BMPER: variants seen among roughly 807,000 people sequenced by gnomAD.
BMPER encodes the protein BMP-binding endothelial regulator protein.
BMPER carries 45 observed loss-of-function variants against 87.3 expected under a neutral mutation model. The observed-to-expected ratio is 0.52, with a 90% CI of 0.41 to 0.66. The LOEUF is 0.66. BMPER is among the 30% of genes least tolerant of loss of function. BMPER has a pLI of 0.00. For missense variants in BMPER, 784 were observed against 867.5 expected (o/e 0.90, Z 1.21); for synonymous variants, 326 against 316.2 (o/e 1.03, Z -0.33).
At chr7:34,018,714 G>C (rs1274372128) in intron 6 of BMPER, among the ~76,000 whole-genome samples, 1 of 151,900 alleles carries the variant, frequency 6.6e-6, no homozygotes, top group Non-Finnish European at 1.5e-5. Context: ...GCTTCATGCT[G>C]GAGAGGAACC....
chr7:34,031,825 C>T (rs143709819), intron 6 of BMPER, among the ~76,000 whole-genome samples: 1,917 of 144,486 alleles, frequency 0.013, 49 homozygotes, highest in African/African-American at 0.046. Flanking sequence ...AAATAAACTC[C>T]CCAAGGTAAC....
chr7:33,935,594 C>CAGAG lies in BMPER; in HGVS notation c.220-1679_220-1676dup, dbSNP rs35522311. ...CCCAAAAAAGAAAGAGAGAAAGAGA[C>CAGAG]AGAGAGAGAGAGAGAGAGAAGGAGA... On this transcript the variant is annotated intron_variant, in intron 2 of 14. Coordinates refer to ENST00000649409, the MANE Select transcript of BMPER (RefSeq NM_001365308.1). Among the ~76,000 whole-genome samples, 113 of 147,692 alleles carry CAGAG rather than the reference C, an allele frequency of 7.7e-4. 2 individuals carry two copies. The South Asian group carries it at 0.012, about 16-fold the overall frequency.
chr7:34,118,946 C>A (rs1417208752), intron 13 of BMPER, among the ~76,000 whole-genome samples: 1 of 151,724 alleles, frequency 6.6e-6, no homozygotes, highest in Non-Finnish European at 1.5e-5. Context: ...TACCAGCCCC[C>A]ACAATGTTGT....
chr7:33,993,886 G>A (rs1786311791), intron 6 of BMPER, among the ~76,000 whole-genome samples: 1 of 152,200 alleles, frequency 6.6e-6, no homozygotes, highest in African/African-American at 2.4e-5. Context: ...GCAGTGTGAG[G>A]TGTCAGTGTG....
chr7:33,979,638 G>C (rs1434671187), intron 6 of BMPER, among the ~76,000 whole-genome samples: 2 of 152,130 alleles, frequency 1.3e-5, no homozygotes, highest in Admixed American at 1.3e-4. Flanking sequence ...GAGTAAATCT[G>C]GTCAGATATC....
At chr7:33,905,419 G>GCCCCCCCCCCCCCCCC, upstream of BMPER, 10 of 110,384 alleles carry the variant, frequency 9.1e-5, no homozygotes, top group South Asian at 1.8e-4. Context: ...CTCCCCGGGC[G>GCCCCCCCCCCCCCCCC]CCCCCACACC....
Position 34,155,798 on chromosome 7 carries a change from A to C in BMPER, c.*2525A>C, listed in dbSNP as rs1178494407. 1 of 152,184 alleles carries C rather than the reference A, an allele frequency of 6.6e-6. No individual in the cohort carries two copies. The highest frequency in any genetic ancestry group is 2.4e-5 in the African/African-American group (1 of 41,456). 9.4% of individuals were successfully genotyped at this position (152,184 alleles called of 1,614,324 possible). A position where few individuals can be genotyped will look rare whatever the true frequency, so the allele number is the denominator to read the frequency against. ...AGCAGTCCTGTTTCATTCACATGGG[A>C]TGTTTTCAATTGGTTCTTCAACTAA... On this transcript the variant is annotated 3_prime_UTR_variant, in exon 15 of 15. Transcript: ENST00000649409.
At chr7:34,094,345 A>G (rs1390112008) in intron 13 of BMPER, among the ~76,000 whole-genome samples, 1 of 152,212 alleles carries the variant, frequency 6.6e-6, no homozygotes, top group Non-Finnish European at 1.5e-5. Context: ...CAAGAAGAGT[A>G]ATGGTGGGAA....
At chr7:33,994,910 A>T (rs1216678146) in intron 6 of BMPER, among the ~76,000 whole-genome samples, 1 of 152,182 alleles carries the variant, frequency 6.6e-6, no homozygotes, top group Non-Finnish European at 1.5e-5. Flanking sequence ...TAATATCTCA[A>T]TTCAGAAAGG....
Position 34,058,315 on chromosome 7 carries a change from A to G in BMPER, c.1032+152A>G, listed in dbSNP as rs1788340370. Reference sequence around the variant, plus strand: ...CAAATGCCTCTTGCAAAGTTTGCTCATTCTTCTTGCAGATTTTTTCCTTGC... The same window carrying G: ...CAAATGCCTCTTGCAAAGTTTGCTCGTTCTTCTTGCAGATTTTTTCCTTGC... On this transcript the variant is annotated intron_variant, in intron 10 of 14. Coordinates refer to ENST00000649409, the MANE Select transcript of BMPER (RefSeq NM_001365308.1). 7.9e-6 allele frequency: 6 copies of G among 758,884 alleles called. No individual in the cohort carries two copies. In the Admixed American group the frequency reaches 1.2e-4, roughly 16 times the overall value. 47.0% of individuals were successfully genotyped at this position (758,884 alleles called of 1,614,324 possible). A position where few individuals can be genotyped will look rare whatever the true frequency, so the allele number is the denominator to read the frequency against.
upstream of BMPER, chr7:33,905,538 C>T (rs1460650533): frequency 6.4e-7 from 1 of 1,567,108 alleles, no homozygotes; most frequent in African/African-American, 1.4e-5. Flanking sequence ...GAGCCCTTTT[C>T]GACTGTGAGC....
chr7:34,046,930 T>A (rs897226132), intron 7 of BMPER, among the ~76,000 whole-genome samples: 1 of 150,840 alleles, frequency 6.6e-6, no homozygotes, highest in East Asian at 1.9e-4. Flanking sequence ...CACTTTATTT[T>A]TTTTTTTTTC....
intron 13 of BMPER, among the ~76,000 whole-genome samples, chr7:34,108,177 G>A (rs567514769): frequency 5.2e-4 from 79 of 152,256 alleles, no homozygotes; most frequent in Admixed American, 1.2e-3. Context: ...AATTATTAAC[G>A]GTGCTATTGA....
At chr7:33,930,971 GC>G (rs1193671539) in intron 2 of BMPER, among the ~76,000 whole-genome samples, 2 of 152,028 alleles carry the variant, frequency 1.3e-5, no homozygotes, top group African/African-American at 4.8e-5. Flanking sequence ...ATGAAATCTG[GC>G]CCCTTTGGGT....
intron 6 of BMPER, among the ~76,000 whole-genome samples, chr7:34,021,278 A>G (rs2127946236): frequency 6.6e-6 from 1 of 152,168 alleles, no homozygotes. Context: ...TCTAATTGAG[A>G]CTAATTGTCT....
At chr7:34,033,090 A>C (rs1787573976) in intron 6 of BMPER, among the ~76,000 whole-genome samples, 1 of 152,170 alleles carries the variant, frequency 6.6e-6, no homozygotes, top group Non-Finnish European at 1.5e-5. Flanking sequence ...ATATAATATA[A>C]ATGGGAGCTA....
chr7:33,966,251 A>G (rs898219581), intron 3 of BMPER, among the ~76,000 whole-genome samples: 3 of 152,220 alleles, frequency 2.0e-5, no homozygotes, highest in Non-Finnish European at 4.4e-5. Context: ...ACTTGATAAT[A>G]TAATTCAGGA....
At chr7:33,946,352 G>C (rs1784894763) in intron 3 of BMPER, among the ~76,000 whole-genome samples, 1 of 152,190 alleles carries the variant, frequency 6.6e-6, no homozygotes, top group South Asian at 2.1e-4. Context: ...AGTATCAGAA[G>C]GGAAGGAGGT....
chr7:33,925,721 C>T (rs1784341715), intron 2 of BMPER, among the ~76,000 whole-genome samples: 1 of 152,130 alleles, frequency 6.6e-6, no homozygotes, highest in African/African-American at 2.4e-5. Context: ...ACAAACTGTT[C>T]TACTGCTCAA....
Sources: allele counts gnomAD v4.1 joint callset (sites outside exome capture counted in the v4.1 genomes callset), GRCh38; gene constraint gnomAD v4.1.1; transcripts MANE v1.5; gene names NCBI Gene and HGNC (gene_info 2026-07-23, HGNC 2026-07-21).